CXCL12: variants seen among roughly 807,000 people sequenced by gnomAD.
CXCL12 encodes stromal cell-derived factor 1.
A neutral mutation model predicts 10.7 loss-of-function variants in CXCL12; 4 were observed. That is an observed-to-expected ratio of 0.37 (90% CI 0.18 to 0.86). The LOEUF is 0.86. CXCL12 is among the 40% of genes least tolerant of loss of function. The pLI is 0.43. For synonymous variants in CXCL12, 54 were observed against 45.4 expected (o/e 1.19, Z -0.77); for missense variants, 122 against 110.4 (o/e 1.10, Z -0.47).
Position 44,378,583 on chromosome 10 carries a change from T to A in CXCL12, c.*50A>T. On this transcript the variant is annotated 3_prime_UTR_variant, in exon 3 of 3. Transcript: ENST00000343575. ...TTGCCCTTTCATCTCTCACAAGGTT[T>A]TAGTTTTCCTCGAGTGGGTCTAGCG... 1 of 1,613,256 alleles carries A rather than the reference T, an allele frequency of 6.2e-7. No homozygotes were observed.
downstream of CXCL12, among the ~76,000 whole-genome samples, chr10:44,375,242 C>T (rs1385857986): frequency 6.6e-6 from 1 of 152,232 alleles, no homozygotes; most frequent in Non-Finnish European, 1.5e-5. Flanking sequence ...TCTGAGAATG[C>T]AGCATTCCCT....
At chr10:44,374,596 C>T (rs758590965), downstream of CXCL12, 178 of 456,010 alleles carry the variant, frequency 3.9e-4, 2 homozygotes, top group South Asian at 2.1e-3. Flanking sequence ...GCTGAAGCAT[C>T]CTAGGACACC....
Position 44,380,788 on chromosome 10 carries a change from T to C in CXCL12, c.154A>G (p.Thr52Ala). The C allele has an allele frequency of 1.2e-6, 2 of 1,613,910 alleles. No individual in the cohort carries two copies. The highest frequency in any genetic ancestry group is 8.5e-7 in the Non-Finnish European group (1 of 1,179,920). Reference sequence around the variant, plus strand: ...ACAATCTGAAGGGCACAGTTTGGAGTGTTGAGAATTTTGAGATGCTTGACG... The same window carrying C: ...ACAATCTGAAGGGCACAGTTTGGAGCGTTGAGAATTTTGAGATGCTTGACG... ...ANVKHLKILN[T>A]PNCALQIVAR... The change falls in exon 2 of 3, where the codon ACT (threonine) becomes GCT (alanine). Residue 52 changes from threonine (T) to alanine (A), a missense_variant. Transcript: ENST00000343575.
chr10:44,378,804 C>T (rs1268788658), intron 2 of CXCL12, 81 bp from the exon 3 acceptor site: 8 of 1,419,348 alleles, frequency 5.6e-6, no homozygotes, highest in South Asian at 1.1e-5. Context: ...TCCCCCAACA[C>T]CCATCTAGGG....
chr10:44,370,452 G>A (rs1839288311), exon 4 of CXCL12: 1 of 152,458 alleles, frequency 6.6e-6, no homozygotes, highest in Non-Finnish European at 1.5e-5. Flanking sequence ...TTTCTACATG[G>A]TTTTATCAGT....
chr10:44,377,168 TATA>T lies in CXCL12; in HGVS notation c.*1462_*1464del. ...CAATTAGCATTTTATTGCTAGTGCA[TATA>T]ATGTCACATTTGATACAATTTTAGT... On this transcript the variant is annotated 3_prime_UTR_variant, in exon 3 of 3. Coordinates refer to ENST00000343575, the MANE Select transcript of CXCL12 (RefSeq NM_199168.4). 1.0e-6 allele frequency: 1 copy of T among 986,962 alleles called. No individual in the cohort carries two copies. The highest frequency in any genetic ancestry group is 1.2e-6 in the Non-Finnish European group (1 of 831,016). 61.1% of individuals were successfully genotyped at this position (986,962 alleles called of 1,614,324 possible). A position where few individuals can be genotyped will look rare whatever the true frequency, so the allele number is the denominator to read the frequency against.
In CXCL12 at chr10:44,377,785, A is replaced by C; in HGVS notation, c.*848T>G. ...CAGGAGAGGGCCAGCTCCATTCTGG[A>C]GGAGGCCAAAGACGGATCTCACAGA... On this transcript the variant is annotated 3_prime_UTR_variant, in exon 3 of 3. Transcript: ENST00000343575. 6.3e-7 allele frequency: 1 copy of C among 1,598,262 alleles called. No individual in the cohort carries two copies. The highest frequency in any genetic ancestry group is 8.5e-7 in the Non-Finnish European group (1 of 1,179,762).
At chr10:44,381,495 C>A (rs1839630221) in intron 1 of CXCL12, among the ~76,000 whole-genome samples, 1 of 152,356 alleles carries the variant, frequency 6.6e-6, no homozygotes, top group South Asian at 2.1e-4. Context: ...CAAGGACCCA[C>A]CTTCTGCCCA....
chr10:44,382,879 C>T (rs1839674162), intron 1 of CXCL12, among the ~76,000 whole-genome samples: 1 of 152,216 alleles, frequency 6.6e-6, no homozygotes, highest in Admixed American at 6.5e-5. Context: ...AGCTTTTTGT[C>T]AGTAAGACTA....
intron 1 of CXCL12, among the ~76,000 whole-genome samples, chr10:44,384,245 C>T (rs1324817281): frequency 2.0e-5 from 3 of 152,116 alleles, no homozygotes; most frequent in Non-Finnish European, 4.4e-5. Flanking sequence ...TCAGGTGAAC[C>T]CGAGAAGAGA....
rs764589128 is a variant in CXCL12 at position 44,377,905 on chromosome 10, G to A, written c.*728C>T. On this transcript the variant is annotated 3_prime_UTR_variant, in exon 3 of 3. Transcript: ENST00000343575. ...TCCCGGCTGGTGCGGCGCTGATCAG[G>A]CTACAGAAATGAGAAGCAGAAGCAA... 1 of 1,558,980 alleles carries A rather than the reference G, an allele frequency of 6.4e-7. No individual in the cohort carries two copies. Among genetic ancestry groups the A allele is most frequent in the Non-Finnish European group, 8.6e-7 (1 of 1,161,074 alleles).
At chr10:44,375,768 G>A, downstream of CXCL12, 2 of 1,328,662 alleles carry the variant, frequency 1.5e-6, no homozygotes, top group Non-Finnish European at 2.0e-6. Context: ...GCCTTAAAAA[G>A]CACATAAATA....
At chr10:44,382,701 C>G (rs1306679429) in intron 1 of CXCL12, among the ~76,000 whole-genome samples, 1 of 152,112 alleles carries the variant, frequency 6.6e-6, no homozygotes, top group African/African-American at 2.4e-5. Context: ...CCCTCCACCC[C>G]CTGGGATTAT....
At chr10:44,374,472 A>G (rs1323218384), downstream of CXCL12, 1 of 455,950 alleles carries the variant, frequency 2.2e-6, no homozygotes, top group East Asian at 6.9e-5. Context: ...GCAGAAGACT[A>G]GGGCACCCCT....
At chr10:44,372,663 A>T, downstream of CXCL12, 1 of 1,403,026 alleles carries the variant, frequency 7.1e-7, no homozygotes, top group South Asian at 1.7e-5. Context: ...GTGGACACAC[A>T]TGATGATGGA....
At chr10:44,373,251 G>A (rs527900201), downstream of CXCL12, 95 of 1,571,078 alleles carry the variant, frequency 6.0e-5, 1 homozygote, top group South Asian at 9.6e-4. Flanking sequence ...GGCAGGGGAG[G>A]CTGTGGCAGG....
chr10:44,375,228 GCT>G (rs1338026875), downstream of CXCL12, among the ~76,000 whole-genome samples: 1 of 152,220 alleles, frequency 6.6e-6, no homozygotes, highest in Non-Finnish European at 1.5e-5. Flanking sequence ...TTCCACATCT[GCT>G]CTCTGAGAAT....
chr10:44,373,344 C>T, downstream of CXCL12: 3 of 1,607,330 alleles, frequency 1.9e-6, no homozygotes, highest in African/African-American at 1.3e-5. Context: ...CTTGAACCTC[C>T]TGTTGACAAG....
At position 44,377,625 on chromosome 10, in the gene CXCL12, C is replaced by T. The variant is rs1839494525; in HGVS notation, c.*1008G>A. On this transcript the variant is annotated 3_prime_UTR_variant, in exon 3 of 3. Transcript: ENST00000343575. ...TCGGAAACCTCAGAGTTTGTTAGTG[C>T]CTCCATGGCATACATAGGCTTCAGA... 9 of 1,523,466 alleles carry T rather than the reference C, an allele frequency of 5.9e-6. No individual in the cohort carries two copies. Among genetic ancestry groups the T allele is most frequent in the Non-Finnish European group, 7.0e-6 (8 of 1,143,010 alleles). 94.4% of individuals were successfully genotyped at this position (1,523,466 alleles called of 1,614,324 possible).
Sources: allele counts gnomAD v4.1 joint callset (sites outside exome capture counted in the v4.1 genomes callset), GRCh38; gene constraint gnomAD v4.1.1; transcripts MANE v1.5; gene names NCBI Gene and HGNC (gene_info 2026-07-23, HGNC 2026-07-21).